The following TG variants were observed in gnomAD, a reference collection of about 807,000 sequenced individuals.
The protein encoded by TG is thyroglobulin.
In TG, 270 loss-of-function variants were observed where a neutral mutation model predicts 324.7. The ratio of observed to expected loss-of-function variants is 0.83; its 90% CI spans 0.75 to 0.92. TG has a LOEUF of 0.92. TG is among the 40% of genes least tolerant of loss of function. The pLI is 0.00. For synonymous variants in TG, 1,401 were observed against 1,327.0 expected (o/e 1.06, Z -1.21); for missense variants, 3,591 against 3,456.4 (o/e 1.04, Z -0.98).
intron 35 of TG, among the ~76,000 whole-genome samples, chr8:133,005,719 C>T (rs1833962682): frequency 6.6e-6 from 1 of 152,158 alleles, no homozygotes; most frequent in Non-Finnish European, 1.5e-5. Flanking sequence ...TTGTTAGTGT[C>T]AGCTGCTGGG....
intron 41 of TG, among the ~76,000 whole-genome samples, chr8:133,070,931 A>G (rs191498811): frequency 1.1e-4 from 17 of 152,246 alleles, no homozygotes; most frequent in African/African-American, 3.9e-4. Flanking sequence ...AATTTATCTC[A>G]ATTGTTTCCC....
chr8:133,013,692 A>T lies in TG; in HGVS notation c.6490A>T (p.Thr2164Ser). The change falls in exon 37 of 48, where the codon ACA becomes TCA. Residue 2164 changes from threonine (T) to serine (S), a missense_variant. Physicochemically the swap from Thr to Ser is moderately conservative, Grantham distance 58. Coordinates refer to ENST00000220616, the MANE Select transcript of TG (RefSeq NM_003235.5). ...GTTCTATGCTGATACTCAAAGCTGC[A>T]CACATAGTCTGCAGGGTCAGAACTG... ...CMFYADTQSC[T>S]HSLQGQNCRL... 6.2e-7 allele frequency: 1 copy of T among 1,614,196 alleles called. No individual in the cohort carries two copies. Among genetic ancestry groups the T allele is most frequent in the Non-Finnish European group, 8.5e-7 (1 of 1,180,052 alleles).
chr8:133,029,822 G>A lies in TG; in HGVS notation c.7038G>A (p.Gly2346=). 1 of 1,614,106 alleles carries A rather than the reference G, an allele frequency of 6.2e-7. No individual in the cohort carries two copies. Among genetic ancestry groups the A allele is most frequent in the Non-Finnish European group, 8.5e-7 (1 of 1,179,936 alleles). ...AAAAGGCTTTCCTCTTTTCTGAAGG[G>A]TCCGGAGAGGTGAGTGGCAACTGGG... ...RVGVFGFLSS[G]SGEVSGNWGL... The change falls in exon 41 of 48, where the codon GGG becomes GGA. Residue 2346 remains glycine (G), a splice_region_variant and synonymous_variant. Transcript: ENST00000220616.
chr8:132,867,889 C>T (rs1292036283), intron 1 of TG, among the ~76,000 whole-genome samples: 1 of 152,134 alleles, frequency 6.6e-6, no homozygotes, highest in African/African-American at 2.4e-5. Context: ...CTTGGTGCCT[C>T]ATGAGTGACA....
At chr8:133,115,832 T>A (rs922714718) in intron 44 of TG, among the ~76,000 whole-genome samples, 3 of 152,208 alleles carry the variant, frequency 2.0e-5, no homozygotes, top group Non-Finnish European at 4.4e-5. Flanking sequence ...AGGGCCCCAC[T>A]CTTGTAAGCT....
At chr8:133,002,196 C>G (rs1833581548) in intron 35 of TG, 1 of 985,328 alleles carries the variant, frequency 1.0e-6, no homozygotes, top group Non-Finnish European at 1.2e-6. Context: ...ATGAGGGAGG[C>G]AATGGCCAGA....
chr8:132,923,220 G>T, intron 21 of TG, 118 bp from the exon 22 acceptor site: 3 of 1,158,588 alleles, frequency 2.6e-6, no homozygotes, highest in Non-Finnish European at 3.8e-6. Context: ...TTTTAAGCTG[G>T]AATGTCTGAG....
rs375955827 is a variant in TG, at chr8:132,975,474, C to T, written c.6199+2733C>T. 2.0e-5 allele frequency among the ~76,000 whole-genome samples: 3 copies of T among 152,206 alleles called. No homozygotes were observed. In the East Asian group the frequency reaches 5.8e-4, roughly 29 times the overall value. On this transcript the variant is annotated intron_variant, in intron 34 of 47. Coordinates refer to ENST00000220616, the MANE Select transcript of TG (RefSeq NM_003235.5). ...GACTGCATAGATCATTAACTTTTTC[C>T]AGCATATATTCTGTGGGGTCAGTCT...
At chr8:133,109,580 C>T (rs1444704289) in intron 43 of TG, among the ~76,000 whole-genome samples, 2 of 152,194 alleles carry the variant, frequency 1.3e-5, no homozygotes, top group African/African-American at 4.8e-5. Context: ...GGGCAAAGCA[C>T]AGCTGGGTTT....
chr8:132,872,918 T>C, intron 4 of TG, 144 bp from the exon 5 acceptor site: 1 of 884,496 alleles, frequency 1.1e-6, no homozygotes, highest in Non-Finnish European at 1.8e-6. Context: ...CACTCTATGA[T>C]GTTCACACGA....
Position 132,940,410 on chromosome 8 carries a change from A to T in TG, c.5042-941A>T, listed in dbSNP as rs540372811. ...TCATGTTTGCAAAGTGACACTCTAA[A>T]ATTAACAGGGCTGATTTGAAAACTA... On this transcript the variant is annotated intron_variant, in intron 25 of 47. Transcript: ENST00000220616. Among the ~76,000 whole-genome samples the T allele has an allele frequency of 2.0e-5, 3 of 152,338 alleles. No individual in the cohort carries two copies. In the East Asian group the frequency reaches 5.8e-4, roughly 29 times the overall value.
At chr8:133,045,879 A>G (rs566644137) in intron 41 of TG, among the ~76,000 whole-genome samples, 167 of 152,216 alleles carry the variant, frequency 1.1e-3, no homozygotes, top group Admixed American at 2.3e-3. Context: ...TGTCCCACCA[A>G]TGCTGCCACA....
intron 45 of TG, among the ~76,000 whole-genome samples, chr8:133,117,457 G>C: frequency 6.6e-6 from 1 of 152,212 alleles, no homozygotes; most frequent in South Asian, 2.1e-4. Flanking sequence ...TTTGAATGGA[G>C]GACTATGGGG....
rs1355056206 is a variant in TG at position 133,094,843 on chromosome 8, A to T, written c.7240-201A>T. On this transcript the variant is annotated intron_variant, in intron 41 of 47. Coordinates refer to ENST00000220616, the MANE Select transcript of TG (RefSeq NM_003235.5). ...CAGGTTAGGAAACTGAGGCCTAGAG[A>T]GACATCTTCAGTATCACACTGCATG... 7.2e-6 allele frequency: 5 copies of T among 690,550 alleles called. No homozygotes were observed. In the East Asian group the frequency reaches 8.2e-5, roughly 11 times the overall value. The allele number at this position is 690,550 out of a possible 1,614,324, so 42.8% of individuals were successfully genotyped here. A position where few individuals can be genotyped will look rare whatever the true frequency, so the allele number is the denominator to read the frequency against.
intron 45 of TG, among the ~76,000 whole-genome samples, chr8:133,125,784 A>C (rs376154709): frequency 6.6e-5 from 10 of 152,160 alleles, no homozygotes; most frequent in African/African-American, 2.4e-4. Context: ...GTTGAAGAGG[A>C]GGGGAGTGGT....
At position 133,041,070 on chromosome 8, in the gene TG, A is replaced by G. The variant is rs575047774; in HGVS notation, c.7239+11047A>G. Among the ~76,000 whole-genome samples the G allele has an allele frequency of 1.1e-4, 16 of 152,308 alleles. No individual in the cohort carries two copies. In the South Asian group the frequency reaches 2.5e-3, roughly 24 times the overall value. On this transcript the variant is annotated intron_variant, in intron 41 of 47. Coordinates refer to ENST00000220616, the MANE Select transcript of TG (RefSeq NM_003235.5). ...AGACTTGATTCTGCTGTACTCAGCC[A>G]TCTTAGAGATTGAGGAAATTCTGCA...
intron 18 of TG, among the ~76,000 whole-genome samples, chr8:132,908,889 G>A (rs1444624972): frequency 6.6e-6 from 1 of 152,194 alleles, no homozygotes. Flanking sequence ...CTGAGGGCCT[G>A]TGAGTTCTGG....
intron 41 of TG, among the ~76,000 whole-genome samples, chr8:133,052,994 T>C (rs1316128795): frequency 6.6e-6 from 1 of 152,228 alleles, no homozygotes; most frequent in Admixed American, 6.5e-5. Flanking sequence ...ATGGGCCGTT[T>C]ATTAACATGG....
intron 41 of TG, chr8:133,038,332 G>C: frequency 1.7e-6 from 1 of 604,898 alleles, no homozygotes. Context: ...GCCCTGATCA[G>C]ACACCAGGGA....
Sources: allele counts gnomAD v4.1 joint callset (sites outside exome capture counted in the v4.1 genomes callset), GRCh38; gene constraint gnomAD v4.1.1; transcripts MANE v1.5; gene names NCBI Gene and HGNC (gene_info 2026-07-23, HGNC 2026-07-21).